Variants in C3orf20 observed in about 807,000 individuals in gnomAD.
The protein encoded by C3orf20 is family with sequence similarity 149 member C.
A neutral mutation model predicts 88.3 loss-of-function variants in C3orf20; 76 were observed. The ratio of observed to expected loss-of-function variants is 0.86; its 90% CI spans 0.72 to 1.04. C3orf20 has a LOEUF of 1.04. Among genes scored for constraint, C3orf20 ranks in the 50% least tolerant of loss-of-function variants. The pLI, the probability that C3orf20 is intolerant of heterozygous loss-of-function variation, is 0.00. For missense variants in C3orf20, 1,056 were observed against 1,123.3 expected (o/e 0.94, Z 0.86); for synonymous variants, 436 against 437.4 (o/e 1.00, Z 0.04).
At chr3:14,727,557 A>G (rs1267197145) in intron 11 of C3orf20, among the ~76,000 whole-genome samples, 3 of 151,826 alleles carry the variant, frequency 2.0e-5, no homozygotes, top group Admixed American at 2.0e-4. Context: ...CTGACTGCTG[A>G]TGGGCCTGGG....
At chr3:14,729,236 G>GC (rs1399481408) in intron 12 of C3orf20, among the ~76,000 whole-genome samples, 1 of 152,174 alleles carries the variant, frequency 6.6e-6, no homozygotes, top group Non-Finnish European at 1.5e-5. Context: ...TGTGGGATGG[G>GC]CTGTGGTAGA....
rs1377660343 is a variant in C3orf20, at chr3:14,772,446, C to T, written c.2630+245C>T. Reference sequence around the variant, plus strand: ...GACTTTGCAGCAGAACCCCACAGCCCAGACCCATTAGTCTGAGAAGGGTGG... The same window carrying T: ...GACTTTGCAGCAGAACCCCACAGCCTAGACCCATTAGTCTGAGAAGGGTGG... On this transcript the variant is annotated intron_variant, in intron 16 of 16. Coordinates refer to ENST00000253697, the MANE Select transcript of C3orf20 (RefSeq NM_032137.5). The surrounding 1 kb of genome is among the most constrained non-coding windows in gnomAD (Gnocchi z 4.2). Among the ~76,000 whole-genome samples the T allele has an allele frequency of 6.6e-6, 1 of 152,222 alleles. No individual in the cohort carries two copies. The highest frequency in any genetic ancestry group is 1.9e-4 in the East Asian group (1 of 5,190).
intron 4 of C3orf20, among the ~76,000 whole-genome samples, chr3:14,685,430 AC>A (rs938254270): frequency 6.7e-6 from 1 of 149,404 alleles, no homozygotes; most frequent in African/African-American, 2.5e-5. Context: ...CTTTTTTCTC[AC>A]CCAGTGACCT....
chr3:14,693,297 G>A (rs976562603), intron 5 of C3orf20, among the ~76,000 whole-genome samples: 1 of 152,148 alleles, frequency 6.6e-6, no homozygotes, highest in Non-Finnish European at 1.5e-5. Context: ...CATTAAATCT[G>A]TAGATTGCTT....
At chr3:14,675,918 C>T (rs2031741850) in intron 1 of C3orf20, among the ~76,000 whole-genome samples, 1 of 152,052 alleles carries the variant, frequency 6.6e-6, no homozygotes, top group Admixed American at 6.5e-5. Flanking sequence ...TCTCGAGCTC[C>T]TGACCTCAGA....
intron 15 of C3orf20, among the ~76,000 whole-genome samples, chr3:14,770,102 C>T (rs1055563348): frequency 2.0e-5 from 3 of 152,152 alleles, no homozygotes; most frequent in Admixed American, 6.5e-5. Context: ...GCCTACCCTG[C>T]GTCTCCTGCC....
intron 7 of C3orf20, among the ~76,000 whole-genome samples, chr3:14,711,462 T>C (rs947493303): frequency 1.3e-5 from 2 of 152,264 alleles, no homozygotes; most frequent in South Asian, 4.1e-4. Flanking sequence ...CTATTTTGCA[T>C]GGTTTTAGTA....
chr3:14,745,666 G>A (rs2035038740), intron 12 of C3orf20, among the ~76,000 whole-genome samples: 1 of 152,142 alleles, frequency 6.6e-6, no homozygotes, highest in Non-Finnish European at 1.5e-5. Flanking sequence ...AGGGTCATGT[G>A]CATTTATAAT....
chr3:14,677,108 G>A (rs73022144), intron 1 of C3orf20, among the ~76,000 whole-genome samples: 4,787 of 152,210 alleles, frequency 0.031, 108 homozygotes, highest in Admixed American at 0.054. Flanking sequence ...ATCTGGACTC[G>A]CTGCCCTTAT....
At chr3:14,728,297 G>T in intron 11 of C3orf20, 142 bp from the exon 12 acceptor site, 1 of 899,954 alleles carries the variant, frequency 1.1e-6, no homozygotes, top group Non-Finnish European at 1.7e-6. Flanking sequence ...GACAGCAGAG[G>T]GGAGGTGCCG....
intron 12 of C3orf20, among the ~76,000 whole-genome samples, chr3:14,743,497 G>A (rs1164619028): frequency 6.6e-6 from 1 of 151,938 alleles, no homozygotes; most frequent in Non-Finnish European, 1.5e-5. Flanking sequence ...AGCTGTCACT[G>A]GATCTACCAT....
At chr3:14,737,548 A>G (rs2034756716) in intron 12 of C3orf20, among the ~76,000 whole-genome samples, 1 of 152,240 alleles carries the variant, frequency 6.6e-6, no homozygotes, top group South Asian at 2.1e-4. Context: ...TTATTGCTGA[A>G]GATATGCTAA....
chr3:14,693,226 A>C (rs1375148528), intron 5 of C3orf20, among the ~76,000 whole-genome samples: 1 of 152,118 alleles, frequency 6.6e-6, no homozygotes, highest in Non-Finnish European at 1.5e-5. Flanking sequence ...GTTCCATATA[A>C]ACTTTAGGAA....
At chr3:14,696,686 T>C (rs1433402614) in intron 5 of C3orf20, among the ~76,000 whole-genome samples, 1 of 151,982 alleles carries the variant, frequency 6.6e-6, no homozygotes, top group African/African-American at 2.4e-5. Flanking sequence ...CTGTAGCTAT[T>C]ATTTTTTATG....
chr3:14,685,458 G>C (rs1050041211), intron 4 of C3orf20, among the ~76,000 whole-genome samples: 1 of 63,022 alleles, frequency 1.6e-5, no homozygotes, highest in African/African-American at 6.1e-5. Context: ...CTCTCTCTCT[G>C]TTTCTCTCTC....
chr3:14,677,346 G>A (rs571499908), intron 1 of C3orf20, among the ~76,000 whole-genome samples: 1 of 152,124 alleles, frequency 6.6e-6, no homozygotes, highest in Admixed American at 6.5e-5. Context: ...CCTTCTGGCC[G>A]GGTACCCTTG....
intron 12 of C3orf20, among the ~76,000 whole-genome samples, chr3:14,735,249 A>G (rs2034668555): frequency 6.6e-6 from 1 of 151,744 alleles, no homozygotes; most frequent in Non-Finnish European, 1.5e-5. Flanking sequence ...TATTTGTACC[A>G]CCTTACTGTT....
In C3orf20 at chr3:14,704,514, A is replaced by G. The variant is rs2033416223; in HGVS notation, c.1056A>G (p.Pro352=). Residue 352 remains proline, a synonymous_variant, in exon 7 of 17, where the codon CCA becomes CCG. Transcript: ENST00000253697. ...AGACTCTCAGCCCCACCTCTCACCCATCTTCTGCCAACCATCATTTCAGTC... is the reference window on the plus strand; with the variant it reads ...AGACTCTCAGCCCCACCTCTCACCCGTCTTCTGCCAACCATCATTTCAGTC... ...GAQTLSPTSH[P]SSANHHFSQH... The G allele has an allele frequency of 6.2e-7, 1 of 1,614,012 alleles. No individual in the cohort carries two copies.
intron 12 of C3orf20, among the ~76,000 whole-genome samples, chr3:14,732,001 G>A (rs2034552486): frequency 6.6e-6 from 1 of 152,108 alleles, no homozygotes; most frequent in Admixed American, 6.6e-5. Flanking sequence ...ATTTCACTTG[G>A]GTAAATACTT....
Sources: gnomAD v4.1 joint callset for allele counts (sites outside exome capture counted in the v4.1 genomes callset) on GRCh38, gnomAD v4.1.1 for gene constraint, Gnocchi (gnomAD v3.1) non-coding constraint, MANE v1.5 for transcripts, NCBI Gene and HGNC (gene_info 2026-07-23, HGNC 2026-07-21) for gene names.